Variants in CNTN5 observed in about 807,000 individuals in gnomAD.
CNTN5 encodes the protein contactin 5.
Under a neutral mutation model 129.1 loss-of-function variants are expected in CNTN5, and 77 were observed. The observed-to-expected ratio is 0.60, with a 90% CI of 0.50 to 0.72. The LOEUF (loss-of-function observed/expected upper bound fraction) is 0.72, where lower values mean the gene tolerates loss of function less well. Ranked by LOEUF, CNTN5 falls within the 30% of genes least tolerant of loss-of-function variation. The pLI, the probability that CNTN5 is intolerant of heterozygous loss-of-function variation, is 0.00. For synonymous variants in CNTN5, 509 were observed against 465.6 expected, an observed-to-expected ratio of 1.09 and a Z score of -1.20; for missense variants, 1,478 against 1,328.8, an observed-to-expected ratio of 1.11 and a Z score of -1.75.
chr11:100,118,354 C>CA (rs1275983523), intron 13 of CNTN5, among the ~76,000 whole-genome samples: 8 of 151,648 alleles, frequency 5.3e-5, no homozygotes, highest in African/African-American at 1.7e-4. Flanking sequence ...TGATCAATAT[C>CA]AAAAAAAGAT....
At chr11:99,280,247 A>T (rs1863633881) in intron 1 of CNTN5, among the ~76,000 whole-genome samples, 1 of 151,748 alleles carries the variant, frequency 6.6e-6, no homozygotes, top group African/African-American at 2.4e-5. Context: ...CCTCCAAAAC[A>T]AAGGAATAAA....
At chr11:99,567,160 G>C (rs1949031992) in intron 3 of CNTN5, among the ~76,000 whole-genome samples, 1 of 152,152 alleles carries the variant, frequency 6.6e-6, no homozygotes, top group African/African-American at 2.4e-5. Flanking sequence ...TACCTAGTAG[G>C]AGAATAATGG....
At chr11:99,739,399 A>G (rs1213595923) in intron 3 of CNTN5, among the ~76,000 whole-genome samples, 1 of 151,974 alleles carries the variant, frequency 6.6e-6, no homozygotes, top group African/African-American at 2.4e-5. Context: ...GTGAAATTTA[A>G]CTTCAAGACA....
intron 8 of CNTN5, among the ~76,000 whole-genome samples, chr11:99,959,730 A>G (rs1950892343): frequency 6.6e-6 from 1 of 152,246 alleles, no homozygotes; most frequent in Admixed American, 6.5e-5. Flanking sequence ...TAAAGCAAGT[A>G]TAAATCAATA....
intron 1 of CNTN5, among the ~76,000 whole-genome samples, chr11:99,051,538 T>C (rs1170364939): frequency 2.0e-5 from 3 of 151,980 alleles, no homozygotes; most frequent in Admixed American, 2.0e-4. Context: ...AAGCTTGGTT[T>C]ATTTTTGTAA....
At chr11:99,344,540 A>T (rs1300223530) in intron 2 of CNTN5, among the ~76,000 whole-genome samples, 5 of 152,178 alleles carry the variant, frequency 3.3e-5, no homozygotes, top group African/African-American at 1.2e-4. Flanking sequence ...TAGATATAAA[A>T]TTTTTTAGTT....
intron 2 of CNTN5, among the ~76,000 whole-genome samples, chr11:99,360,710 G>A (rs1330387986): frequency 1.3e-5 from 2 of 152,074 alleles, no homozygotes; most frequent in Admixed American, 6.6e-5. Flanking sequence ...CTCTTCTATT[G>A]TCCTGATTAG....
intron 2 of CNTN5, among the ~76,000 whole-genome samples, chr11:99,388,770 T>A (rs1489887162): frequency 2.6e-5 from 4 of 152,144 alleles, no homozygotes; most frequent in African/African-American, 9.7e-5. Flanking sequence ...GAATCATTTA[T>A]AACCATACAA....
chr11:99,946,356 G>C (rs1950553150), intron 7 of CNTN5, among the ~76,000 whole-genome samples: 1 of 152,028 alleles, frequency 6.6e-6, no homozygotes, highest in South Asian at 2.1e-4. Flanking sequence ...TACAAACTAG[G>C]AACAGAGGCT....
chr11:99,803,647 G>A lies in CNTN5; in HGVS notation c.56-15897G>A, dbSNP rs570072457. On this transcript the variant is annotated intron_variant, in intron 3 of 24. Transcript: ENST00000524871. ...ACTATGTTGCTCCTAGATCCTCTCC[G>A]TAAATTAGCTCTCTAAGTTAGCCCC... is the stretch of plus-strand genomic sequence containing the variant. Among the ~76,000 whole-genome samples the A allele has an allele frequency of 5.9e-5, 9 of 152,262 alleles. No individual in the cohort carries two copies. In the South Asian group the frequency reaches 8.3e-4, roughly 14 times the overall value.
At chr11:99,107,891 A>G (rs1372392381) in intron 1 of CNTN5, among the ~76,000 whole-genome samples, 1 of 148,310 alleles carries the variant, frequency 6.7e-6, no homozygotes, top group African/African-American at 2.5e-5. Context: ...AGATCGCACC[A>G]CTGCACTCCA....
chr11:99,713,308 G>C (rs1955079741), intron 3 of CNTN5, among the ~76,000 whole-genome samples: 1 of 151,784 alleles, frequency 6.6e-6, no homozygotes, highest in African/African-American at 2.4e-5. Context: ...TGTTGTTATT[G>C]GTGTATAGGA....
At chr11:99,700,959 T>A (rs114201783) in intron 3 of CNTN5, among the ~76,000 whole-genome samples, 166 of 151,374 alleles carry the variant, frequency 1.1e-3, no homozygotes, top group African/African-American at 3.8e-3. Flanking sequence ...GGGCAGGTGG[T>A]TTTTGTAACT....
intron 3 of CNTN5, among the ~76,000 whole-genome samples, chr11:99,622,837 G>GAA (rs139145102): frequency 1.1e-3 from 164 of 149,842 alleles, no homozygotes; most frequent in East Asian, 4.7e-3. Context: ...TTAGAAAACT[G>GAA]AAAAAAAAAG....
chr11:99,136,158 T>C (rs890378281), intron 1 of CNTN5, among the ~76,000 whole-genome samples: 1 of 152,138 alleles, frequency 6.6e-6, no homozygotes, highest in Non-Finnish European at 1.5e-5. Flanking sequence ...TTCTTCTTAC[T>C]TTTCTTTTCT....
intron 2 of CNTN5, among the ~76,000 whole-genome samples, chr11:99,416,459 T>G (rs1177211381): frequency 6.6e-6 from 1 of 151,996 alleles, no homozygotes; most frequent in Non-Finnish European, 1.5e-5. Flanking sequence ...TTATTTTTAT[T>G]TTCATGTTGG....
chr11:99,088,361 G>A (rs550921242), intron 1 of CNTN5, among the ~76,000 whole-genome samples: 2 of 152,250 alleles, frequency 1.3e-5, no homozygotes, highest in East Asian at 3.9e-4. Flanking sequence ...TGGTAAGGTC[G>A]AAGTATATGA....
At chr11:99,086,776 T>C (rs1591168895) in intron 1 of CNTN5, among the ~76,000 whole-genome samples, 2 of 152,316 alleles carry the variant, frequency 1.3e-5, no homozygotes, top group South Asian at 4.1e-4. Context: ...GAGTCTAATA[T>C]GAATTTGATG....
intron 3 of CNTN5, among the ~76,000 whole-genome samples, chr11:99,638,383 G>A (rs192636586): frequency 1.3e-5 from 2 of 152,092 alleles, no homozygotes; most frequent in South Asian, 4.2e-4. Context: ...ATATCATTCT[G>A]CCCTGACCCC....
Sources: gnomAD v4.1 joint callset for allele counts (sites outside exome capture counted in the v4.1 genomes callset) on GRCh38, gnomAD v4.1.1 for gene constraint, MANE v1.5 for transcripts, NCBI Gene and HGNC (gene_info 2026-07-23, HGNC 2026-07-21) for gene names.